Variants in LPCAT1 observed in about 807,000 individuals in gnomAD.
LPCAT1 encodes the protein 1-acylglycerol-3-phosphate O-acyltransferase.
LPCAT1 carries 23 observed loss-of-function variants against 60.9 expected under a neutral mutation model. The ratio of observed to expected loss-of-function variants is 0.38; its 90% CI spans 0.27 to 0.53. The LOEUF (loss-of-function observed/expected upper bound fraction) is 0.53, where lower values mean the gene tolerates loss of function less well. Ranked by LOEUF, LPCAT1 falls within the 20% of genes least tolerant of loss-of-function variation. The probability of loss-of-function intolerance (pLI) is 0.82; values close to 1 mark genes in which losing one functional copy is unlikely to be tolerated. For synonymous variants in LPCAT1, 340 were observed against 301.1 expected (o/e 1.13, Z -1.34); for missense variants, 622 against 723.6 (o/e 0.86, Z 1.61).
At position 1,514,398 on chromosome 5, in the gene LPCAT1, C is replaced by T. The variant is rs567242739; in HGVS notation, c.135+9312G>A. ...TCACAGAGCAGAGCCATGCCAAACG[C>T]TCGCGGTGAAAGGCAGCCTGTTTCT... On this transcript the variant is annotated intron_variant, in intron 1 of 13. Coordinates refer to ENST00000283415, the MANE Select transcript of LPCAT1 (RefSeq NM_024830.5). 4.7e-4 allele frequency among the ~76,000 whole-genome samples: 72 copies of T among 152,350 alleles called. 3 individuals carry two copies. The South Asian group carries it at 0.013, about 28-fold the overall frequency.
intron 2 of LPCAT1, 32 bp downstream of exon 2, chr5:1,501,429 C>CA: frequency 1.3e-6 from 2 of 1,583,592 alleles, no homozygotes; most frequent in Non-Finnish European, 1.7e-6. Context: ...GACCCCCCCC[C>CA]AGGAGGAGAG....
chr5:1,508,456 A>G (rs1387895762), intron 1 of LPCAT1, among the ~76,000 whole-genome samples: 1 of 152,124 alleles, frequency 6.6e-6, no homozygotes, highest in Non-Finnish European at 1.5e-5. Flanking sequence ...CCTTATAAGA[A>G]GAGGAGATGA....
At position 1,501,467 on chromosome 5, in the gene LPCAT1, C is replaced by A. The variant is rs779237434; in HGVS notation, c.272G>T (p.Trp91Leu). 2.5e-6 allele frequency: 4 copies of A among 1,611,764 alleles called. No homozygotes were observed. Among genetic ancestry groups the A allele is most frequent in the East Asian group, 2.2e-5 (1 of 44,832 alleles). ...EKEPEQPPAL[W>L]RKVVDFLLKA... The stretch of plus-strand genomic sequence containing the variant: ...CGGCACACGCGCAACTTACTTCCTC[C>A]ACAGGGCCGGGGGCTGCTCGGGTTC... Residue 91 changes from tryptophan (W) to leucine (L), a missense_variant, in exon 2 of 14, where the codon TGG becomes TTG. Physicochemically the swap from Trp to Leu is moderately conservative, Grantham distance 61. Coordinates refer to ENST00000283415, the MANE Select transcript of LPCAT1 (RefSeq NM_024830.5).
intron 3 of LPCAT1, among the ~76,000 whole-genome samples, chr5:1,493,241 GCCACCCACAACTGCCCAGCT>G (rs1371731691): frequency 6.6e-6 from 1 of 152,172 alleles, no homozygotes; most frequent in Non-Finnish European, 1.5e-5. Flanking sequence ...GCAGACTCAG[GCCACCCACAACTGCCCAGCT>G]GCAGGCACAG....
chr5:1,514,302 C>G (rs1736439969), intron 1 of LPCAT1, among the ~76,000 whole-genome samples: 1 of 152,244 alleles, frequency 6.6e-6, no homozygotes, highest in Admixed American at 6.5e-5. Flanking sequence ...AAACAACAAA[C>G]AGGGTCCACA....
rs181737813 is a variant in LPCAT1, at chr5:1,480,531, G to A, written c.761+411C>T. ...TGACCTTCGGTGTCTCTGCTGGGGG[G>A]ACAGGGACACTGACTCACAGCAGGG... On this transcript the variant is annotated intron_variant, in intron 7 of 13. Transcript: ENST00000283415. This position sits in a 1 kb window ranked among gnomAD's most constrained non-coding sequence, Gnocchi z 6.4. 121 of 209,746 alleles carry A rather than the reference G, an allele frequency of 5.8e-4. No individual in the cohort carries two copies. The Middle Eastern group carries it at 7.4e-3, about 13-fold the overall frequency. The allele number at this position is 209,746 out of a possible 1,614,324, so 13.0% of individuals were successfully genotyped here.
At chr5:1,469,803 C>A (rs1296571272) in intron 12 of LPCAT1, among the ~76,000 whole-genome samples, 7 of 151,174 alleles carry the variant, frequency 4.6e-5, no homozygotes, top group South Asian at 2.1e-4. Flanking sequence ...AAAAAAAAAA[C>A]AACAGGGCAC....
chr5:1,470,321 C>G (rs1304220211), intron 12 of LPCAT1, among the ~76,000 whole-genome samples: 1 of 152,246 alleles, frequency 6.6e-6, no homozygotes. Context: ...CAGGGAGCAG[C>G]GACTCCCTGT....
rs757822445 is a variant in LPCAT1 at position 1,480,900 on chromosome 5, T to C, written c.761+42A>G. ...ACCCCAAGCAGCCCCTACGTGTTCA[T>C]GGAACAACAGGACAAAGAGGACGAC... On this transcript the variant is annotated intron_variant, in intron 7 of 13. Transcript: ENST00000283415. This position sits in a 1 kb window ranked among gnomAD's most constrained non-coding sequence, Gnocchi z 6.4. The C allele has an allele frequency of 5.3e-5, 85 of 1,612,758 alleles. 1 individual carries two copies. The highest frequency in any genetic ancestry group is 6.5e-5 in the Non-Finnish European group (77 of 1,179,228).
At chr5:1,519,722 G>A (rs993079535) in intron 1 of LPCAT1, among the ~76,000 whole-genome samples, 6 of 152,240 alleles carry the variant, frequency 3.9e-5, no homozygotes, top group South Asian at 2.1e-4. Flanking sequence ...GGAAAATGAC[G>A]CTTGGGCCTC....
intron 3 of LPCAT1, among the ~76,000 whole-genome samples, chr5:1,492,980 C>T (rs374407444): frequency 3.5e-4 from 54 of 152,366 alleles, no homozygotes; most frequent in African/African-American, 1.3e-3. Flanking sequence ...AATGTGGTTT[C>T]CTGGGTATGC....
At position 1,483,151 on chromosome 5, in the gene LPCAT1, C is replaced by A. The variant is rs889802; in HGVS notation, c.726+277G>T. On this transcript the variant is annotated intron_variant, in intron 6 of 13. Coordinates refer to ENST00000283415, the MANE Select transcript of LPCAT1 (RefSeq NM_024830.5). The surrounding 1 kb of genome is among the most constrained non-coding windows in gnomAD (Gnocchi z 9.2). ...GCAGCTTTGTCAGGAGCTATGGAAG[C>A]AGGGCTCTGGAACACTGGGGACCAC... 0.11 allele frequency among the ~76,000 whole-genome samples: 16,024 copies of A among 152,126 alleles called. 2,754 individuals carry two copies. Among genetic ancestry groups the A allele is most frequent in the African/African-American group, 0.36 (14,988 of 41,446 alleles).
chr5:1,473,204 ACACGGGACATCTCATGCTGT>A (rs1560954777), intron 11 of LPCAT1, among the ~76,000 whole-genome samples: 1 of 152,204 alleles, frequency 6.6e-6, no homozygotes, highest in African/African-American at 2.4e-5. Flanking sequence ...TGGTGCTGTC[ACACGGGACATCTCATGCTGT>A]CACGGGACAG....
chr5:1,473,780 T>C (rs1734785589), intron 11 of LPCAT1, among the ~76,000 whole-genome samples, 177 bp downstream of exon 11: 1 of 152,200 alleles, frequency 6.6e-6, no homozygotes, highest in Admixed American at 6.5e-5. Context: ...TGTGTACGCG[T>C]ATTTAAAAGC....
chr5:1,491,898 C>T (rs1282004568), intron 3 of LPCAT1, among the ~76,000 whole-genome samples: 1 of 152,260 alleles, frequency 6.6e-6, no homozygotes, highest in Non-Finnish European at 1.5e-5. Context: ...CAACATTCAT[C>T]TCTTCAACAA....
At position 1,466,877 on chromosome 5, in the gene LPCAT1, T is replaced by C; in HGVS notation, c.1292A>G (p.Gln431Arg). 1 of 1,602,886 alleles carries C rather than the reference T, an allele frequency of 6.2e-7. No individual in the cohort carries two copies. The highest frequency in any genetic ancestry group is 8.5e-7 in the Non-Finnish European group (1 of 1,173,398). The change falls in exon 13 of 14, where the codon CAA (glutamine) becomes CGA (arginine). Residue 431 changes from glutamine to arginine, a missense_variant. Physicochemically the swap from Gln to Arg is conservative, Grantham distance 43. Transcript: ENST00000283415. ...IQLAFKMYGA[Q>R]EDGSVGEGDL... The stretch of plus-strand genomic sequence containing the variant: ...ACCTTCGCCGACGCTGCCGTCCTCT[T>C]GCGCTCCGTACATCTGCAAGGCAAA...
rs1298045678 is a variant in LPCAT1, at chr5:1,502,553, C to T, written c.136-950G>A. 2.0e-5 allele frequency among the ~76,000 whole-genome samples: 3 copies of T among 152,130 alleles called. No homozygotes were observed. Among genetic ancestry groups the T allele is most frequent in the Admixed American group, 6.5e-5 (1 of 15,286 alleles). ...CCCCCCAAGCCAGGGCAGGCCCCCA[C>T]GCCAGGGAAGGCCGAGGCTGCGGGA... On this transcript the variant is annotated intron_variant, in intron 1 of 13. Coordinates refer to ENST00000283415, the MANE Select transcript of LPCAT1 (RefSeq NM_024830.5). This position sits in a 1 kb window ranked among gnomAD's most constrained non-coding sequence, Gnocchi z 5.5.
rs1356519359 is a variant in LPCAT1, at chr5:1,476,088, T to C, written c.899+1316A>G. On this transcript the variant is annotated intron_variant, in intron 9 of 13. Coordinates refer to ENST00000283415, the MANE Select transcript of LPCAT1 (RefSeq NM_024830.5). The surrounding 1 kb of genome is among the most constrained non-coding windows in gnomAD (Gnocchi z 8.6). ...TCTCGTACCCTAAAAAAAGTACAAG[T>C]TCCTCGGAGTCTGTTTGAAATGGAG... 2.0e-5 allele frequency among the ~76,000 whole-genome samples: 3 copies of C among 152,196 alleles called. No individual in the cohort carries two copies. The highest frequency in any genetic ancestry group is 4.8e-5 in the African/African-American group (2 of 41,452).
At chr5:1,499,614 G>A (rs367658973) in intron 2 of LPCAT1, among the ~76,000 whole-genome samples, 6 of 152,290 alleles carry the variant, frequency 3.9e-5, no homozygotes, top group African/African-American at 7.2e-5. Context: ...ACTAAAGCCC[G>A]TGATGATCCT....
Sources: gnomAD v4.1 joint callset for allele counts (sites outside exome capture counted in the v4.1 genomes callset) on GRCh38, gnomAD v4.1.1 for gene constraint, Gnocchi (gnomAD v3.1) non-coding constraint, MANE v1.5 for transcripts, NCBI Gene and HGNC (gene_info 2026-07-23, HGNC 2026-07-21) for gene names.